UBE2E2: variants seen among roughly 807,000 people sequenced by gnomAD.
UBE2E2 encodes the protein ubiquitin-conjugating enzyme E2 E2.
A neutral mutation model predicts 24.7 loss-of-function variants in UBE2E2; 6 were observed. The ratio of observed to expected loss-of-function variants is 0.24; its 90% CI spans 0.13 to 0.48. UBE2E2 has a LOEUF of 0.48. Ranked by LOEUF, UBE2E2 falls within the 20% of genes least tolerant of loss-of-function variation. UBE2E2 has a pLI of 0.99. For synonymous variants in UBE2E2, 104 were observed against 83.6 expected, an observed-to-expected ratio of 1.24 and a Z score of -1.33; for missense variants, 169 against 245.0, an observed-to-expected ratio of 0.69 and a Z score of 2.07.
At chr3:23,221,075 G>C (rs917151530) in intron 3 of UBE2E2, among the ~76,000 whole-genome samples, 1 of 152,170 alleles carries the variant, frequency 6.6e-6, no homozygotes. Context: ...TTACGAGCAG[G>C]GGAATGACAG....
chr3:23,498,048 G>A lies in UBE2E2; in HGVS notation c.228-1560G>A, dbSNP rs537254605. ...ATTTCCCCGATTTTGATGATATTGA[G>A]CATTTTTCATATGATTATTGGCCAT... On this transcript the variant is annotated intron_variant, in intron 3 of 5. Coordinates refer to ENST00000396703, the MANE Select transcript of UBE2E2 (RefSeq NM_152653.4). Among the ~76,000 whole-genome samples, 4 of 152,178 alleles carry A rather than the reference G, an allele frequency of 2.6e-5. No homozygotes were observed. In the East Asian group the frequency reaches 7.7e-4, roughly 29 times the overall value.
chr3:23,456,189 C>T (rs1698674014), intron 3 of UBE2E2, among the ~76,000 whole-genome samples: 1 of 152,192 alleles, frequency 6.6e-6, no homozygotes, highest in Non-Finnish European at 1.5e-5. Context: ...TATCTTTAGG[C>T]TCCACTTATA....
chr3:23,284,609 G>A (rs1038005554), intron 3 of UBE2E2, among the ~76,000 whole-genome samples: 8 of 151,808 alleles, frequency 5.3e-5, no homozygotes, highest in African/African-American at 1.7e-4. Flanking sequence ...GTGAGGTGGG[G>A]GATGATACCT....
At chr3:23,220,204 CAA>C (rs1191589455) in intron 3 of UBE2E2, among the ~76,000 whole-genome samples, 12 of 151,994 alleles carry the variant, frequency 7.9e-5, no homozygotes, top group Non-Finnish European at 1.5e-5. Context: ...TTTGAATAAA[CAA>C]ATATTATTTT....
At chr3:23,357,745 A>C (rs990110385) in intron 3 of UBE2E2, among the ~76,000 whole-genome samples, 1 of 152,204 alleles carries the variant, frequency 6.6e-6, no homozygotes, top group Non-Finnish European at 1.5e-5. Flanking sequence ...GACCCCAGCA[A>C]CAGTATCTGA....
intron 3 of UBE2E2, among the ~76,000 whole-genome samples, chr3:23,218,596 T>G (rs1337672757): frequency 6.6e-6 from 1 of 152,048 alleles, no homozygotes; most frequent in Non-Finnish European, 1.5e-5. Context: ...ATATTATTTT[T>G]GTAACCTTTT....
intron 3 of UBE2E2, among the ~76,000 whole-genome samples, chr3:23,303,353 C>T (rs185730800): frequency 5.3e-4 from 81 of 152,054 alleles, no homozygotes; most frequent in African/African-American, 1.8e-3. Flanking sequence ...TTGAATTATC[C>T]GGAAACCACT....
At chr3:23,281,289 T>TA (rs1040271476) in intron 3 of UBE2E2, among the ~76,000 whole-genome samples, 47 of 152,260 alleles carry the variant, frequency 3.1e-4, no homozygotes, top group Non-Finnish European at 5.0e-4. Flanking sequence ...TTCTGTAATA[T>TA]AAAAAAATGC....
chr3:23,558,177 C>T lies in UBE2E2; in HGVS notation c.508+25476C>T, dbSNP rs556178644. Among the ~76,000 whole-genome samples, 34 of 152,302 alleles carry T rather than the reference C, an allele frequency of 2.2e-4. No individual in the cohort carries two copies. The South Asian group carries it at 7.1e-3, about 32-fold the overall frequency. On this transcript the variant is annotated intron_variant, in intron 5 of 5. Transcript: ENST00000396703. ...TGATGCCCTAACAAAACCCAGTTGT[C>T]TAAATATTTCACCATGACTTCAAAC...
At chr3:23,499,107 C>A (rs1264148051) in intron 3 of UBE2E2, among the ~76,000 whole-genome samples, 1 of 152,140 alleles carries the variant, frequency 6.6e-6, no homozygotes, top group African/African-American at 2.4e-5. Context: ...CCTCATTGGT[C>A]ATGATGTATG....
intron 3 of UBE2E2, among the ~76,000 whole-genome samples, chr3:23,363,169 G>A (rs141947015): frequency 5.5e-4 from 84 of 152,314 alleles, no homozygotes; most frequent in African/African-American, 1.8e-3. Context: ...AGAAAGGAAA[G>A]ACTGTGTTAC....
chr3:23,436,031 A>G (rs990064876), intron 3 of UBE2E2, among the ~76,000 whole-genome samples: 9 of 152,098 alleles, frequency 5.9e-5, no homozygotes, highest in Admixed American at 6.5e-5. Context: ...CCCCACTGCT[A>G]TGAGGATCTA....
Position 23,254,103 on chromosome 3 carries a change from A to G in UBE2E2, c.227+36791A>G, listed in dbSNP as rs117654558. Among the ~76,000 whole-genome samples, 19 of 152,344 alleles carry G rather than the reference A, an allele frequency of 1.2e-4. No individual in the cohort carries two copies. In the East Asian group the frequency reaches 3.3e-3, roughly 26 times the overall value. On this transcript the variant is annotated intron_variant, in intron 3 of 5. Coordinates refer to ENST00000396703, the MANE Select transcript of UBE2E2 (RefSeq NM_152653.4). ...CCACATGTTCTGAGAGTACCCTCAA[A>G]TATAGTTTTGTATTTTATGGAGTGC...
chr3:23,415,427 T>C (rs867496187), intron 3 of UBE2E2, among the ~76,000 whole-genome samples: 6 of 152,192 alleles, frequency 3.9e-5, no homozygotes, highest in African/African-American at 7.2e-5. Flanking sequence ...GAGACCAACA[T>C]CCTTTGCTAC....
At chr3:23,390,310 C>G (rs974679978) in intron 3 of UBE2E2, among the ~76,000 whole-genome samples, 1 of 152,252 alleles carries the variant, frequency 6.6e-6, no homozygotes, top group Middle Eastern at 3.4e-3. Context: ...CAAACCTCAG[C>G]TGGTAGAGAC....
chr3:23,302,107 G>A (rs1157886430), intron 3 of UBE2E2, among the ~76,000 whole-genome samples: 13 of 152,022 alleles, frequency 8.6e-5, no homozygotes, highest in Admixed American at 8.5e-4. Flanking sequence ...GAGTTCTTGA[G>A]GCTTGGGCTC....
intron 5 of UBE2E2, among the ~76,000 whole-genome samples, chr3:23,561,514 C>T (rs1695928506): frequency 6.6e-6 from 1 of 152,068 alleles, no homozygotes; most frequent in Non-Finnish European, 1.5e-5. Flanking sequence ...GTGATGCCTC[C>T]AGCTTTGTTC....
upstream of UBE2E2, chr3:23,203,240 C>A (rs1017978857): frequency 1.9e-4 from 191 of 988,140 alleles, no homozygotes; most frequent in Non-Finnish European, 2.1e-4. Context: ...CGGCCGGGGG[C>A]GGCGGCAGCG....
At chr3:23,275,803 CT>C (rs990461469) in intron 3 of UBE2E2, among the ~76,000 whole-genome samples, 16 of 148,012 alleles carry the variant, frequency 1.1e-4, no homozygotes, top group East Asian at 5.9e-4. Flanking sequence ...GAACACCCAA[CT>C]TTTTTTTTTG....
Sources: gnomAD v4.1 joint callset for allele counts (sites outside exome capture counted in the v4.1 genomes callset) on GRCh38, gnomAD v4.1.1 for gene constraint, MANE v1.5 for transcripts, NCBI Gene and HGNC (gene_info 2026-07-23, HGNC 2026-07-21) for gene names.